Variants in ADCYAP1R1 observed in about 807,000 individuals in gnomAD.
The protein encoded by ADCYAP1R1 is ADCYAP receptor type I.
A neutral mutation model predicts 67.6 loss-of-function variants in ADCYAP1R1; 44 were observed. That is an observed-to-expected ratio of 0.65 (90% CI 0.51 to 0.84). The LOEUF (loss-of-function observed/expected upper bound fraction) is 0.84, where lower values mean the gene tolerates loss of function less well. Ranked by LOEUF, ADCYAP1R1 falls within the 40% of genes least tolerant of loss-of-function variation. ADCYAP1R1 has a pLI of 0.00. For synonymous variants in ADCYAP1R1, 222 were observed against 219.6 expected (o/e 1.01, Z -0.10); for missense variants, 477 against 587.9 (o/e 0.81, Z 1.95).
intron 13 of ADCYAP1R1, among the ~76,000 whole-genome samples, chr7:31,095,060 C>A (rs1472539146): frequency 1.3e-5 from 2 of 152,050 alleles, no homozygotes; most frequent in South Asian, 4.1e-4. Flanking sequence ...GTCAAGGAGA[C>A]CCTGTCGGCC....
intron 4 of ADCYAP1R1, among the ~76,000 whole-genome samples, chr7:31,079,770 C>T (rs1795436319): frequency 6.6e-6 from 1 of 152,130 alleles, no homozygotes; most frequent in East Asian, 1.9e-4. Flanking sequence ...ACCGGCCGGC[C>T]CGGGAGGAGG....
chr7:31,101,057 G>A (rs1028564637), intron 13 of ADCYAP1R1, among the ~76,000 whole-genome samples: 6 of 152,204 alleles, frequency 3.9e-5, no homozygotes, highest in Admixed American at 2.0e-4. Flanking sequence ...TAGAAGCACA[G>A]TCCCAGAACC....
At chr7:31,071,232 A>G (rs1246081048) in intron 3 of ADCYAP1R1, among the ~76,000 whole-genome samples, 2 of 152,238 alleles carry the variant, frequency 1.3e-5, no homozygotes, top group African/African-American at 4.8e-5. Context: ...AAAAGCTAAT[A>G]GCTTATGCGT....
At chr7:31,077,862 C>A in intron 3 of ADCYAP1R1, 129 bp from the exon 4 acceptor site, 1 of 541,222 alleles carries the variant, frequency 1.8e-6, no homozygotes, top group Non-Finnish European at 3.2e-6. Context: ...GTGTGTGTAG[C>A]ATGTATGTTG....
At position 31,108,052 on chromosome 7, in the gene ADCYAP1R1, C is replaced by T. The variant is rs1256430974; in HGVS notation, c.*1368C>T. On this transcript the variant is annotated 3_prime_UTR_variant, in exon 16 of 16. Coordinates refer to ENST00000304166, the MANE Select transcript of ADCYAP1R1 (RefSeq NM_001118.5). ...GCTAGAGTACATGGTCCGTGTGTGG[C>T]CTAGCTCATTCCATGTCAGCATTTG... The T allele has an allele frequency of 1.3e-5, 2 of 152,248 alleles. No individual in the cohort carries two copies. Among genetic ancestry groups the T allele is most frequent in the African/African-American group, 4.8e-5 (2 of 41,454 alleles). The allele number at this position is 152,248 out of a possible 1,614,324, so 9.4% of individuals were successfully genotyped here.
rs1355698402 is a variant in ADCYAP1R1, at chr7:31,084,794, G to A, written c.496G>A (p.Val166Ile). 5.6e-6 allele frequency: 9 copies of A among 1,613,964 alleles called. No homozygotes were observed. The highest frequency in any genetic ancestry group is 4.0e-5 in the African/African-American group (3 of 74,894). Residue 166 changes from valine to isoleucine, a missense_variant, in exon 8 of 16, where the codon GTC becomes ATC. Val to Ile is a conservative substitution (Grantham distance 29). Coordinates refer to ENST00000304166, the MANE Select transcript of ADCYAP1R1 (RefSeq NM_001118.5). ...LYTVGYSTSL[V>I]TLTTAMVILC... Reference sequence around the variant, plus strand: ...CACGGTTGGCTACAGCACATCCCTCGTCACCCTCACCACTGCCATGGTCAT... The same window carrying A: ...CACGGTTGGCTACAGCACATCCCTCATCACCCTCACCACTGCCATGGTCAT...
At chr7:31,087,538 G>T in intron 11 of ADCYAP1R1, 89 bp from the exon 12 acceptor site, 1 of 1,185,220 alleles carries the variant, frequency 8.4e-7, no homozygotes. Context: ...TGAAAGTGTC[G>T]GGCACCCAGC....
rs148336460 is a variant in ADCYAP1R1 at position 31,085,409 on chromosome 7, G to A, written c.636G>A (p.Ala212=). The A allele has an allele frequency of 1.6e-5, 26 of 1,613,790 alleles. No homozygotes were observed. The highest frequency in any genetic ancestry group is 1.3e-4 in the African/African-American group (10 of 75,052). The part of the protein sequence containing the change: ...SVFIKDWILY[A]EQDSNHCFIS... Reference sequence around the variant, plus strand: ...TCATCAAAGACTGGATTCTGTATGCGGAGCAGGACAGCAACCACTGCTTCA... The same window carrying A: ...TCATCAAAGACTGGATTCTGTATGCAGAGCAGGACAGCAACCACTGCTTCA... The change falls in exon 9 of 16, where the codon GCG becomes GCA. Residue 212 remains alanine (A), a synonymous_variant. Transcript: ENST00000304166.
intron 12 of ADCYAP1R1, among the ~76,000 whole-genome samples, chr7:31,092,239 C>A (rs537032807): frequency 6.6e-6 from 1 of 151,424 alleles, no homozygotes; most frequent in East Asian, 2.0e-4. Flanking sequence ...ATGCTTATGG[C>A]TGTCCATTCT....
chr7:31,077,457 TGGTGC>T (rs1795299474), intron 3 of ADCYAP1R1, among the ~76,000 whole-genome samples: 2 of 145,082 alleles, frequency 1.4e-5, no homozygotes, highest in African/African-American at 2.7e-5. Flanking sequence ...GTGGTGTGTG[TGGTGC>T]ATGTGTGTGG....
intron 3 of ADCYAP1R1, among the ~76,000 whole-genome samples, chr7:31,077,186 G>A (rs1412671125): frequency 6.6e-6 from 1 of 152,244 alleles, no homozygotes; most frequent in Non-Finnish European, 1.5e-5. Flanking sequence ...CCCCCTGCAA[G>A]GGCCTGGCTT....
intron 3 of ADCYAP1R1, among the ~76,000 whole-genome samples, chr7:31,070,532 G>A (rs1794927660): frequency 6.6e-6 from 1 of 152,216 alleles, no homozygotes; most frequent in Non-Finnish European, 1.5e-5. Flanking sequence ...GAGGAAGGAA[G>A]CACATCAGGG....
rs34731040 is a variant in ADCYAP1R1, at chr7:31,055,328, A to AGTGT, written c.-72+2678_-72+2681dup. Among the ~76,000 whole-genome samples the AGTGT allele has an allele frequency of 2.6e-3, 386 of 148,414 alleles. 2 individuals carry two copies. Among genetic ancestry groups the AGTGT allele is most frequent in the African/African-American group, 6.9e-3 (279 of 40,624 alleles). ...CTGAGTATTGAATTGAATGGAGGAA[A>AGTGT]GTGTGTGTGTGTGTGTGTGTGTGTG... On this transcript the variant is annotated intron_variant, in intron 1 of 15. Transcript: ENST00000304166.
intron 15 of ADCYAP1R1, 23 bp downstream of exon 15, chr7:31,104,932 T>C: frequency 6.2e-7 from 1 of 1,613,860 alleles, no homozygotes; most frequent in South Asian, 1.1e-5. Context: ...CCCTCTGGCT[T>C]CTTGGCAGTG....
intron 13 of ADCYAP1R1, among the ~76,000 whole-genome samples, chr7:31,098,067 A>T (rs1257340062): frequency 6.6e-6 from 1 of 151,854 alleles, no homozygotes; most frequent in African/African-American, 2.4e-5. Context: ...CGCCCGGCTA[A>T]TTTTTTTGTA....
intron 12 of ADCYAP1R1, among the ~76,000 whole-genome samples, chr7:31,088,136 G>A (rs1795828998): frequency 6.6e-6 from 1 of 152,332 alleles, no homozygotes; most frequent in South Asian, 2.1e-4. Context: ...GCTTCTGGAG[G>A]ATAATGCTGG....
intron 3 of ADCYAP1R1, among the ~76,000 whole-genome samples, chr7:31,074,011 G>A (rs937897698): frequency 2.0e-5 from 3 of 152,156 alleles, no homozygotes; most frequent in Non-Finnish European, 4.4e-5. Context: ...GGCCTGGGGT[G>A]GGGCACCTTA....
At position 31,064,718 on chromosome 7, in the gene ADCYAP1R1, T is replaced by C. The variant is rs77794137; in HGVS notation, c.52-113T>C. On this transcript the variant is annotated intron_variant, in intron 2 of 15. Transcript: ENST00000304166. Reference sequence around the variant, plus strand: ...GCCCTGACATCTCTTGTCACCCTCCTCTCTGCTTCTGCTCCCCACTCCCCC... The same window carrying C: ...GCCCTGACATCTCTTGTCACCCTCCCCTCTGCTTCTGCTCCCCACTCCCCC... 6,882 of 800,912 alleles carry C rather than the reference T, an allele frequency of 8.6e-3. 326 individuals are homozygous for C. In the African/African-American group the frequency reaches 0.1, roughly 12 times the overall value. The allele number at this position is 800,912 out of a possible 1,614,324, so 49.6% of individuals were successfully genotyped here.
chr7:31,084,901 C>G, intron 8 of ADCYAP1R1, 67 bp downstream of exon 8: 5 of 1,377,030 alleles, frequency 3.6e-6, no homozygotes, highest in Non-Finnish European at 4.1e-6. Flanking sequence ...CTTGGTGCAT[C>G]TCTCCCCTCC....
Sources: gnomAD v4.1 joint callset for allele counts (sites outside exome capture counted in the v4.1 genomes callset) on GRCh38, gnomAD v4.1.1 for gene constraint, MANE v1.5 for transcripts, NCBI Gene and HGNC (gene_info 2026-07-23, HGNC 2026-07-21) for gene names.